Variants in ACOT12 observed in about 807,000 individuals in gnomAD.
ACOT12 encodes acetyl-coenzyme A thioesterase.
A neutral mutation model predicts 67.7 loss-of-function variants in ACOT12; 51 were observed. The observed-to-expected ratio is 0.75, with a 90% CI of 0.60 to 0.95. ACOT12 has a LOEUF of 0.95. Among genes scored for constraint, ACOT12 ranks in the 40% least tolerant of loss-of-function variants. The pLI is 0.00. For missense variants in ACOT12, 734 were observed against 708.1 expected, an observed-to-expected ratio of 1.04 and a Z score of -0.41; for synonymous variants, 251 against 244.6, an observed-to-expected ratio of 1.03 and a Z score of -0.24.
chr5:81,329,534 C>T (rs62365867), downstream of ACOT12, among the ~76,000 whole-genome samples: 17,019 of 152,130 alleles, frequency 0.11, 1,148 homozygotes, highest in African/African-American at 0.18. Context: ...AAACTAACAG[C>T]AGGATGCATC....
intron 4 of ACOT12, among the ~76,000 whole-genome samples, chr5:81,360,422 G>A (rs1251659218): frequency 6.7e-6 from 1 of 148,346 alleles, no homozygotes; most frequent in Non-Finnish European, 1.5e-5. Context: ...CAAAGAGAGG[G>A]AATAAATTTT....
the ACOT12 span, among the ~76,000 whole-genome samples, chr5:81,309,911 T>C: frequency 2.0e-5 from 3 of 152,172 alleles, no homozygotes; most frequent in Non-Finnish European, 4.4e-5. Flanking sequence ...CTGAGAGGTA[T>C]GTGCAATAAT....
At chr5:81,336,228 T>TA (rs1758998481) in intron 11 of ACOT12, among the ~76,000 whole-genome samples, 1 of 152,108 alleles carries the variant, frequency 6.6e-6, no homozygotes, top group African/African-American at 2.4e-5. Context: ...TCCCTGCCTC[T>TA]ACTGAGGAAA....
intron 10 of ACOT12, among the ~76,000 whole-genome samples, chr5:81,343,492 T>C (rs1362196830): frequency 6.6e-6 from 1 of 152,214 alleles, no homozygotes; most frequent in Non-Finnish European, 1.5e-5. Flanking sequence ...ACTACTTTGT[T>C]ATTGTTTTTA....
chr5:81,339,683 C>T (rs940838393), intron 11 of ACOT12, among the ~76,000 whole-genome samples: 68 of 152,248 alleles, frequency 4.5e-4, no homozygotes, highest in African/African-American at 1.6e-3. Flanking sequence ...TGTTAATAAA[C>T]GACCTTATAA....
the ACOT12 span, among the ~76,000 whole-genome samples, chr5:81,311,785 A>G: frequency 1.3e-5 from 2 of 152,168 alleles, no homozygotes; most frequent in East Asian, 3.9e-4. Flanking sequence ...AGCCTTATTC[A>G]TCAAACACTT....
At chr5:81,388,732 A>C (rs944662387) in intron 1 of ACOT12, among the ~76,000 whole-genome samples, 6 of 152,162 alleles carry the variant, frequency 3.9e-5, no homozygotes, top group African/African-American at 1.4e-4. Context: ...CTGTGTCCCC[A>C]CCCAAACCTC....
chr5:81,377,455 C>T (rs1318347005), intron 2 of ACOT12, among the ~76,000 whole-genome samples: 1 of 152,196 alleles, frequency 6.6e-6, no homozygotes, highest in Non-Finnish European at 1.5e-5. Context: ...TCTCTCACCA[C>T]TCCTATTCAA....
At chr5:81,342,596 A>G (rs1343915409) in intron 11 of ACOT12, 76 bp downstream of exon 11, 1 of 1,420,634 alleles carries the variant, frequency 7.0e-7, no homozygotes, top group Non-Finnish European at 9.9e-7. Context: ...CCTCAGTAGA[A>G]GCAGTAGAAC....
intron 6 of ACOT12, among the ~76,000 whole-genome samples, chr5:81,346,887 G>A (rs1386517238): frequency 6.6e-6 from 1 of 152,190 alleles, no homozygotes; most frequent in Non-Finnish European, 1.5e-5. Context: ...CAGAAGGGCA[G>A]ATCCTATTCA....
At chr5:81,393,770 T>C (rs1760926111) in intron 1 of ACOT12, among the ~76,000 whole-genome samples, 1 of 152,074 alleles carries the variant, frequency 6.6e-6, no homozygotes, top group Non-Finnish European at 1.5e-5. Context: ...CTCACTTGTT[T>C]AATGGAATGA....
chr5:81,371,915 C>A, intron 2 of ACOT12, 105 bp from the exon 3 acceptor site: 1 of 945,620 alleles, frequency 1.1e-6, no homozygotes, highest in Non-Finnish European at 1.6e-6. Flanking sequence ...TCCACCTTAT[C>A]ATGCTGATAA....
chr5:81,343,041 G>A (rs901297630), intron 10 of ACOT12, among the ~76,000 whole-genome samples: 1 of 152,086 alleles, frequency 6.6e-6, no homozygotes, highest in African/African-American at 2.4e-5. Context: ...AATTAGCCGG[G>A]TGTTGTAGTG....
At chr5:81,309,878 A>C in the ACOT12 span, among the ~76,000 whole-genome samples, 1 of 152,212 alleles carries the variant, frequency 6.6e-6, no homozygotes, top group Non-Finnish European at 1.5e-5. Context: ...TGGGTCCCAT[A>C]TAATTGACAG....
intron 8 of ACOT12, among the ~76,000 whole-genome samples, 155 bp downstream of exon 8, chr5:81,344,736 A>G (rs541083237): frequency 1.0e-3 from 153 of 152,230 alleles, no homozygotes; most frequent in African/African-American, 3.6e-3. Context: ...TCGGGGGGAA[A>G]AGGAAAAGAA....
At chr5:81,375,979 CCAAA>C (rs1450336077) in intron 2 of ACOT12, among the ~76,000 whole-genome samples, 1 of 152,110 alleles carries the variant, frequency 6.6e-6, no homozygotes, top group Non-Finnish European at 1.5e-5. Flanking sequence ...CAGCTCTGGA[CCAAA>C]CAGACTTAAT....
chr5:81,314,413 A>T, the ACOT12 span, among the ~76,000 whole-genome samples: 1 of 152,134 alleles, frequency 6.6e-6, no homozygotes, highest in Non-Finnish European at 1.5e-5. Flanking sequence ...TACTTTGTTT[A>T]TATTTTAATG....
intron 3 of ACOT12, among the ~76,000 whole-genome samples, chr5:81,364,502 A>G (rs1415980831): frequency 6.6e-6 from 1 of 151,840 alleles, no homozygotes; most frequent in African/African-American, 2.4e-5. Context: ...ATCTTGGCTC[A>G]CTGCAACCTC....
chr5:81,379,146 A>G (rs1760504312), intron 2 of ACOT12, among the ~76,000 whole-genome samples: 1 of 152,198 alleles, frequency 6.6e-6, no homozygotes, highest in Non-Finnish European at 1.5e-5. Context: ...AATACTATGC[A>G]GCCATAAAAA....
Sources: allele counts gnomAD v4.1 joint callset (sites outside exome capture counted in the v4.1 genomes callset), GRCh38; gene constraint gnomAD v4.1.1; transcripts MANE v1.5; gene names NCBI Gene and HGNC (gene_info 2026-07-23, HGNC 2026-07-21).